Variants in ARVCF observed in about 807,000 individuals in gnomAD.
ARVCF encodes ARVCF delta catenin family member, also known as splicing regulator ARVCF.
Under a neutral mutation model 90.9 loss-of-function variants are expected in ARVCF, and 66 were observed. The ratio of observed to expected loss-of-function variants is 0.73; its 90% CI spans 0.60 to 0.89. The LOEUF (loss-of-function observed/expected upper bound fraction) is 0.89. Among genes scored for constraint, ARVCF ranks in the 40% least tolerant of loss-of-function variants. The pLI, the probability that ARVCF is intolerant of heterozygous loss-of-function variation, is 0.00. For missense variants in ARVCF, 1,469 were observed against 1,382.3 expected (o/e 1.06, Z -1.00); for synonymous variants, 653 against 603.4 (o/e 1.08, Z -1.21).
At chr22:20,000,982 C>T (rs1301639837) in intron 2 of ARVCF, among the ~76,000 whole-genome samples, 6 of 152,294 alleles carry the variant, frequency 3.9e-5, no homozygotes, top group Non-Finnish European at 7.4e-5. Context: ...GACACACACA[C>T]AAGCACACCC....
intron 6 of ARVCF, 121 bp downstream of exon 6, chr22:19,979,622 G>T: frequency 7.2e-7 from 1 of 1,393,750 alleles, no homozygotes. Context: ...CTCAGCAGCT[G>T]CACTCCTGCC....
At chr22:19,999,638 A>G (rs1944376014) in intron 2 of ARVCF, among the ~76,000 whole-genome samples, 1 of 152,124 alleles carries the variant, frequency 6.6e-6, no homozygotes, top group Non-Finnish European at 1.5e-5. Context: ...TATGGTTCAG[A>G]ATGGATCAGA....
In ARVCF at chr22:19,988,683, C is replaced by T. The variant is rs548306881; in HGVS notation, c.210+1902G>A. Reference sequence around the variant, plus strand: ...GGCTTCCCAAAGCCCGGGCTCTGACCCTGTGGCTCAGCAGGTAGATCGCTA... The same window carrying T: ...GGCTTCCCAAAGCCCGGGCTCTGACTCTGTGGCTCAGCAGGTAGATCGCTA... On this transcript the variant is annotated intron_variant, in intron 3 of 19. Transcript: ENST00000263207. Among the ~76,000 whole-genome samples the T allele has an allele frequency of 2.0e-5, 3 of 152,364 alleles. No homozygotes were observed. In the East Asian group the frequency reaches 5.8e-4, roughly 29 times the overall value.
chr22:19,990,626 C>T lies in ARVCF; in HGVS notation c.169G>A (p.Gly57Arg). 1 of 1,610,114 alleles carries T rather than the reference C, an allele frequency of 6.2e-7. No individual in the cohort carries two copies. The highest frequency in any genetic ancestry group is 1.1e-5 in the South Asian group (1 of 90,416). The part of the protein sequence containing the change: ...PGMVSGGMGS[G>R]QPLPMAWQQL... ...TGCCAGGCCATTGGCAGGGGCTGCC[C>T]ACTGCCCATGCCACCACTGACCATG... Residue 57 changes from glycine to arginine, a missense_variant, in exon 3 of 20, where the codon GGG becomes AGG. Coordinates refer to ENST00000263207, the MANE Select transcript of ARVCF (RefSeq NM_001670.3).
chr22:19,972,684 A>T (rs1942885334), intron 16 of ARVCF, 53 bp downstream of exon 16: 14 of 1,529,216 alleles, frequency 9.2e-6, no homozygotes. Flanking sequence ...GGGTCAGGCA[A>T]CTGGGGCAGC....
At position 19,975,683 on chromosome 22, in the gene ARVCF, C is replaced by G; in HGVS notation, c.1960+3G>C. 2 of 1,613,594 alleles carry G rather than the reference C, an allele frequency of 1.2e-6. No homozygotes were observed. The highest frequency in any genetic ancestry group is 1.7e-6 in the Non-Finnish European group (2 of 1,179,954). ...GGAGCTGGCTTCATCTCAGCCCACT[C>G]ACCTTTGGCGGCCTCAGTTCGCTTG... On this transcript the variant is annotated splice_donor_region_variant and intron_variant, in intron 11 of 19. Coordinates refer to ENST00000263207, the MANE Select transcript of ARVCF (RefSeq NM_001670.3).
rs2146281310 is a variant in ARVCF at position 19,977,509 on chromosome 22, G to A, written c.1776C>T (p.Tyr592=). ...VHKEVPGADR[Y]QEAEPGPLGS... is the part of the protein sequence containing the mutation. ...CCAGGGGCCCGGGCTCGGCCTCCTG[G>A]TACCTGTCGGCCCCGGGCACCTCCT... The change falls in exon 9 of 20, where the codon TAC becomes TAT. Residue 592 remains tyrosine (Y), a synonymous_variant. Transcript: ENST00000263207. The A allele has an allele frequency of 1.9e-6, 3 of 1,599,090 alleles. No homozygotes were observed. The highest frequency in any genetic ancestry group is 2.6e-6 in the Non-Finnish European group (3 of 1,171,908).
At position 19,980,395 on chromosome 22, in the gene ARVCF, C is replaced by G. The variant is rs985340527; in HGVS notation, c.897-153G>C. The G allele has an allele frequency of 6.3e-5, 76 of 1,197,470 alleles. No homozygotes were observed. In the African/African-American group the frequency reaches 1.1e-3, roughly 17 times the overall value. The allele number at this position is 1,197,470 out of a possible 1,614,324, so 74.2% of individuals were successfully genotyped here. On this transcript the variant is annotated intron_variant, in intron 5 of 19. Coordinates refer to ENST00000263207, the MANE Select transcript of ARVCF (RefSeq NM_001670.3). ...CTTGGCCCGGAGCATGGTGGGGACA[C>G]AGAGAGTCATGCACCAGCCCAGTGA...
chr22:20,009,909 C>A (rs184119757), intron 2 of ARVCF, among the ~76,000 whole-genome samples: 1 of 152,356 alleles, frequency 6.6e-6, no homozygotes, highest in East Asian at 1.9e-4. Context: ...CCATTTTCAT[C>A]CTACAATGGC....
chr22:19,991,182 C>T (rs1944012120), intron 2 of ARVCF, among the ~76,000 whole-genome samples: 2 of 152,250 alleles, frequency 1.3e-5, no homozygotes, highest in South Asian at 4.1e-4. Flanking sequence ...CCCTCCATTT[C>T]ACAGGGCCAC....
intron 2 of ARVCF, among the ~76,000 whole-genome samples, chr22:19,994,923 T>C (rs1452255827): frequency 1.4e-5 from 2 of 144,996 alleles, no homozygotes; most frequent in Non-Finnish European, 1.5e-5. Context: ...TGGGGGGGGA[T>C]GGTGGAGGAT....
rs557864062 is a variant in ARVCF, at chr22:19,980,419, G to A, written c.897-177C>T. On this transcript the variant is annotated intron_variant, in intron 5 of 19. Transcript: ENST00000263207. Reference sequence around the variant, plus strand: ...ACAGAGAGTCATGCACCAGCCCAGTGAGAACCAATTCAGAGCCAAATGCCA... The same window carrying A: ...ACAGAGAGTCATGCACCAGCCCAGTAAGAACCAATTCAGAGCCAAATGCCA... The A allele has an allele frequency of 3.6e-5, 36 of 992,650 alleles. No individual in the cohort carries two copies. The South Asian group carries it at 8.9e-4, about 24-fold the overall frequency. 61.5% of individuals were successfully genotyped at this position (992,650 alleles called of 1,614,324 possible).
chr22:19,985,543 G>A (rs1271926301), intron 3 of ARVCF, among the ~76,000 whole-genome samples: 1 of 152,268 alleles, frequency 6.6e-6, no homozygotes, highest in Non-Finnish European at 1.5e-5. Flanking sequence ...GACAGAGGGG[G>A]CTGGGGTCGT....
intron 16 of ARVCF, 137 bp from the exon 17 acceptor site, chr22:19,972,548 C>G: frequency 1.6e-6 from 2 of 1,238,400 alleles, no homozygotes; most frequent in Non-Finnish European, 2.3e-6. Flanking sequence ...AGCTGGCAGC[C>G]TCACCCCAGC....
intron 16 of ARVCF, 22 bp downstream of exon 16, chr22:19,972,715 C>A: frequency 6.3e-7 from 1 of 1,588,096 alleles, no homozygotes; most frequent in South Asian, 1.2e-5. Context: ...ACCCTCTAGG[C>A]TCCCTAAGCT....
chr22:20,005,558 G>A (rs374241850), intron 2 of ARVCF, among the ~76,000 whole-genome samples: 25 of 152,254 alleles, frequency 1.6e-4, no homozygotes, highest in South Asian at 1.0e-3. Flanking sequence ...GGTGGCTCAC[G>A]CCTGTAATCC....
chr22:20,003,448 C>T (rs995716065), intron 2 of ARVCF, among the ~76,000 whole-genome samples: 2 of 152,014 alleles, frequency 1.3e-5, no homozygotes, highest in South Asian at 2.1e-4. Flanking sequence ...AATACTGAAA[C>T]AAAAATTCTC....
chr22:19,973,469 G>C, intron 13 of ARVCF, 152 bp from the exon 14 acceptor site: 3 of 1,336,784 alleles, frequency 2.2e-6, no homozygotes, highest in Middle Eastern at 2.6e-4. Context: ...GCAGGGCGCT[G>C]AGCTTCAGAG....
At chr22:19,967,026 C>T (rs1942437333), downstream of ARVCF, 11 of 1,201,300 alleles carry the variant, frequency 9.2e-6, no homozygotes, top group South Asian at 1.6e-5. Flanking sequence ...CTTGCAGTGT[C>T]GGGCGACAGG....
Sources: gnomAD v4.1 joint callset for allele counts (sites outside exome capture counted in the v4.1 genomes callset) on GRCh38, gnomAD v4.1.1 for gene constraint, MANE v1.5 for transcripts, NCBI Gene and HGNC (gene_info 2026-07-23, HGNC 2026-07-21) for gene names.